ABAT: variants seen among roughly 807,000 people sequenced by gnomAD.
ABAT encodes 4-aminobutyrate aminotransferase.
In ABAT, 45 loss-of-function variants were observed where a neutral mutation model predicts 64.6. That is an observed-to-expected ratio of 0.70 (90% CI 0.55 to 0.89). The LOEUF (loss-of-function observed/expected upper bound fraction) is 0.89. Among genes scored for constraint, ABAT ranks in the 40% least tolerant of loss-of-function variants. The probability of loss-of-function intolerance (pLI) is 0.00; values close to 1 mark genes in which losing one functional copy is unlikely to be tolerated. For synonymous variants in ABAT, 297 were observed against 250.5 expected, an observed-to-expected ratio of 1.19 and a Z score of -1.75; for missense variants, 633 against 658.4, an observed-to-expected ratio of 0.96 and a Z score of 0.42.
At chr16:8,719,055 T>A (rs887555906) in intron 1 of ABAT, among the ~76,000 whole-genome samples, 1 of 152,104 alleles carries the variant, frequency 6.6e-6, no homozygotes, top group African/African-American at 2.4e-5. Flanking sequence ...GGGAAGTGCG[T>A]TTCCTCCAAT....
chr16:8,741,612 T>C (rs1375823204), intron 2 of ABAT, among the ~76,000 whole-genome samples: 1 of 152,258 alleles, frequency 6.6e-6, no homozygotes, highest in Non-Finnish European at 1.5e-5. Context: ...TGTGTCTTCA[T>C]AGATGAGATC....
chr16:8,691,071 A>G (rs1324766659), intron 1 of ABAT, among the ~76,000 whole-genome samples: 1 of 151,946 alleles, frequency 6.6e-6, no homozygotes, highest in Admixed American at 6.6e-5. Context: ...CCTGAAAAAT[A>G]GAATACAGAT....
chr16:8,687,531 C>CA (rs1032207160), intron 1 of ABAT, among the ~76,000 whole-genome samples: 1 of 152,228 alleles, frequency 6.6e-6, no homozygotes, highest in Admixed American at 6.5e-5. Flanking sequence ...TCTCAAAAAA[C>CA]AAAAAACAAA....
At chr16:8,685,513 TA>T (rs2057434271) in intron 1 of ABAT, among the ~76,000 whole-genome samples, 1 of 145,088 alleles carries the variant, frequency 6.9e-6, no homozygotes, top group Non-Finnish European at 1.5e-5. Context: ...CTGCTAAAAA[TA>T]CAAAAAAAAA....
At chr16:8,735,046 T>TAAAAAAAAAAA (rs34887951) in intron 1 of ABAT, among the ~76,000 whole-genome samples, 7 of 147,642 alleles carry the variant, frequency 4.7e-5, no homozygotes, top group African/African-American at 1.5e-4. Flanking sequence ...CATCTCTACT[T>TAAAAAAAAAAA]AAAAAAAAAA....
intron 2 of ABAT, 198 bp downstream of exon 2, chr16:8,736,007 G>T (rs2058917997): frequency 3.4e-6 from 2 of 583,168 alleles, no homozygotes; most frequent in South Asian, 4.0e-5. Flanking sequence ...AGAAAAAGAG[G>T]TTTAATGGTC....
intron 1 of ABAT, among the ~76,000 whole-genome samples, chr16:8,684,938 G>A (rs1191252950): frequency 2.6e-5 from 4 of 152,130 alleles, no homozygotes; most frequent in Non-Finnish European, 5.9e-5. Flanking sequence ...GGCAGAATTT[G>A]CTTGTCTATC....
At chr16:8,727,753 C>G (rs541180399) in intron 1 of ABAT, among the ~76,000 whole-genome samples, 1 of 152,304 alleles carries the variant, frequency 6.6e-6, no homozygotes, top group African/African-American at 2.4e-5. Flanking sequence ...AGCAATTTAT[C>G]CATCTTGGTT....
chr16:8,764,889 G>T lies in ABAT; in HGVS notation c.540+59G>T. The stretch of plus-strand genomic sequence containing the variant: ...CAGGCTCCCCAGCACCCAGCCACAC[G>T]CTCACCCCTTGTCTGACTGTTCATT... On this transcript the variant is annotated intron_variant, in intron 8 of 15. Transcript: ENST00000268251. The surrounding 1 kb of genome is among the most constrained non-coding windows in gnomAD (Gnocchi z 4.2). 2 of 1,438,980 alleles carry T rather than the reference G, an allele frequency of 1.4e-6. No individual in the cohort carries two copies. Among genetic ancestry groups the T allele is most frequent in the Non-Finnish European group, 9.8e-7 (1 of 1,022,848 alleles). The allele number at this position is 1,438,980 out of a possible 1,614,324, so 89.1% of individuals were successfully genotyped here.
intron 1 of ABAT, among the ~76,000 whole-genome samples, chr16:8,679,314 G>A (rs1282667834): frequency 6.6e-6 from 1 of 152,142 alleles, no homozygotes; most frequent in Admixed American, 6.5e-5. Context: ...CCAAGAGACA[G>A]GAATCTGAGG....
At chr16:8,679,965 G>A (rs959322384) in intron 1 of ABAT, among the ~76,000 whole-genome samples, 78 of 151,136 alleles carry the variant, frequency 5.2e-4, no homozygotes, top group Non-Finnish European at 1.5e-4. Flanking sequence ...GGATGGGATG[G>A]CATCATGTGG....
intron 1 of ABAT, among the ~76,000 whole-genome samples, chr16:8,731,916 C>T (rs1284536183): frequency 3.3e-5 from 5 of 151,972 alleles, no homozygotes; most frequent in Admixed American, 6.6e-5. Context: ...TGCAGTGGTG[C>T]GATCTCAGCT....
At chr16:8,729,639 C>T (rs1035002618) in intron 1 of ABAT, among the ~76,000 whole-genome samples, 1 of 151,970 alleles carries the variant, frequency 6.6e-6, no homozygotes, top group African/African-American at 2.4e-5. Context: ...GGCAACACAG[C>T]GAGACCCCTG....
In ABAT at chr16:8,782,547, C is replaced by A. The variant is rs997455976; in HGVS notation, c.*1117C>A. The A allele has an allele frequency of 2.6e-5, 4 of 152,242 alleles. No homozygotes were observed. The highest frequency in any genetic ancestry group is 9.7e-5 in the African/African-American group (4 of 41,446). 9.4% of individuals were successfully genotyped at this position (152,242 alleles called of 1,614,324 possible). On this transcript the variant is annotated 3_prime_UTR_variant, in exon 16 of 16. Transcript: ENST00000268251. The stretch of plus-strand genomic sequence containing the variant: ...CAGAGCTCCATGCATGGAAAAGTGG[C>A]CTGTTGGTTCAACGTGGTTTCCTTG...
rs78570632 is a variant in ABAT at position 8,746,245 on chromosome 16, C to T, written c.168+147C>T. On this transcript the variant is annotated intron_variant, in intron 3 of 15. Coordinates refer to ENST00000268251, the MANE Select transcript of ABAT (RefSeq NM_020686.6). ...CAGAGATCTGAGATACTCAATGAGG[C>T]CATTTTGCCATACAAAGCCAAAGAA... 11,452 of 718,942 alleles carry T rather than the reference C, an allele frequency of 0.016. 118 individuals are homozygous for T. Among genetic ancestry groups the T allele is most frequent in the Non-Finnish European group, 0.022 (8,810 of 408,472 alleles). The allele number at this position is 718,942 out of a possible 1,614,324, so 44.5% of individuals were successfully genotyped here.
intron 1 of ABAT, among the ~76,000 whole-genome samples, chr16:8,725,913 A>G (rs900955049): frequency 7.9e-5 from 12 of 152,180 alleles, no homozygotes; most frequent in African/African-American, 2.9e-4. Context: ...GTGCCCTCCA[A>G]CACACCTGCC....
chr16:8,768,261 G>C lies in ABAT; in HGVS notation c.667+5G>C. The stretch of plus-strand genomic sequence containing the variant: ...CGTTCCATGGGAGGACCATGGGTAA[G>C]GAGGGACCATTGCGCTCCCAAGGTG... On this transcript the variant is annotated splice_donor_5th_base_variant and intron_variant, in intron 10 of 15. Transcript: ENST00000268251. 1.2e-6 allele frequency: 2 copies of C among 1,613,956 alleles called. No homozygotes were observed. Among genetic ancestry groups the C allele is most frequent in the Non-Finnish European group, 1.7e-6 (2 of 1,180,014 alleles).
chr16:8,696,845 G>T (rs968893587), intron 1 of ABAT, among the ~76,000 whole-genome samples: 1 of 152,184 alleles, frequency 6.6e-6, no homozygotes, highest in Non-Finnish European at 1.5e-5. Context: ...CCCTGTGGAG[G>T]AAGCTCCTCA....
At position 8,764,267 on chromosome 16, in the gene ABAT, C is replaced by T; in HGVS notation, c.447+118C>T. ...TGCTACAGAAATCTTTCTCTCTGAG[C>T]TTATTCTTCCATGCAGAGTATTTTA... On this transcript the variant is annotated intron_variant, in intron 7 of 15. Transcript: ENST00000268251. This position sits in a 1 kb window ranked among gnomAD's most constrained non-coding sequence, Gnocchi z 4.2. 1 of 899,800 alleles carries T rather than the reference C, an allele frequency of 1.1e-6. No homozygotes were observed. The highest frequency in any genetic ancestry group is 1.8e-6 in the Non-Finnish European group (1 of 555,870). The allele number at this position is 899,800 out of a possible 1,614,324, so 55.7% of individuals were successfully genotyped here.
Sources: allele counts gnomAD v4.1 joint callset (sites outside exome capture counted in the v4.1 genomes callset), GRCh38; gene constraint gnomAD v4.1.1; non-coding constraint Gnocchi (gnomAD v3.1); transcripts MANE v1.5; gene names NCBI Gene and HGNC (gene_info 2026-07-23, HGNC 2026-07-21).